ZFHX3: variants seen among roughly 807,000 people sequenced by gnomAD.
The protein encoded by ZFHX3 is zinc finger homeobox 3, also known as zinc finger homeobox protein 3.
Under a neutral mutation model 279.1 loss-of-function variants are expected in ZFHX3, and 42 were observed. The ratio of observed to expected loss-of-function variants is 0.15; its 90% CI spans 0.12 to 0.19. The LOEUF is 0.19. Ranked by LOEUF, ZFHX3 falls within the 10% of genes least tolerant of loss-of-function variation. The pLI is 1.00. For synonymous variants in ZFHX3, 2,293 were observed against 1,957.8 expected, an observed-to-expected ratio of 1.17 and a Z score of -4.52; for missense variants, 4,981 against 4,754.0, an observed-to-expected ratio of 1.05 and a Z score of -1.40.
At chr16:73,822,238 C>T (rs1002407054) in intron 1 of ZFHX3, among the ~76,000 whole-genome samples, 1 of 152,126 alleles carries the variant, frequency 6.6e-6, no homozygotes, top group African/African-American at 2.4e-5. Context: ...GGGATGAGAA[C>T]CCAGAATTGG....
chr16:73,644,569 G>A (rs1276191798), intron 2 of ZFHX3, among the ~76,000 whole-genome samples: 1 of 152,152 alleles, frequency 6.6e-6, no homozygotes, highest in Non-Finnish European at 1.5e-5. Flanking sequence ...GCTGAGGTAG[G>A]AAAATTGCTT....
chr16:72,794,269 T>C lies in ZFHX3; in HGVS notation c.8413A>G (p.Ile2805Val). The C allele has an allele frequency of 2.5e-6, 4 of 1,614,094 alleles. No individual in the cohort carries two copies. The highest frequency in any genetic ancestry group is 3.4e-6 in the Non-Finnish European group (4 of 1,179,992). The stretch of plus-strand genomic sequence containing the variant: ...AAGTCTTCAATCCCTTCCACCTTAA[T>C]GGAGGAAGGGCTTAGAAGAGTTCTG... Reference protein sequence around the residue: ...SPRTLLSPSSIKVEGIEDFES... With the variant: ...SPRTLLSPSSVKVEGIEDFES... The change falls in exon 9 of 10, where the codon ATT becomes GTT. Residue 2805 changes from isoleucine (I) to valine (V), a missense_variant. By Grantham distance (29) the Ile-to-Val change is conservative. Coordinates refer to ENST00000268489, the MANE Select transcript of ZFHX3 (RefSeq NM_006885.4). This position sits in a 1 kb window ranked among gnomAD's most constrained non-coding sequence, Gnocchi z 4.2.
chr16:72,796,003 G>A lies in ZFHX3; in HGVS notation c.6679C>T (p.Arg2227Trp), dbSNP rs756354750. 9.3e-6 allele frequency: 15 copies of A among 1,613,994 alleles called. No homozygotes were observed. Among genetic ancestry groups the A allele is most frequent in the African/African-American group, 4.0e-5 (3 of 74,892 alleles). ...TSLEELKIDS[R>W]PPSPEPPKQE... ...TTTGGAGGTTCCGGCGAAGGGGGCC[G>A]GGAGTCAATCTTGAGCTCCTCCAGG... The change falls in exon 9 of 10, where the codon CGG becomes TGG. Residue 2227 changes from arginine to tryptophan, a missense_variant. By Grantham distance (101) the Arg-to-Trp change is moderately radical. Around this residue, in one of 7 missense-constraint regions of ZFHX3, gnomAD observed 177 missense variants for 244.2 expected, o/e 0.72. Coordinates refer to ENST00000268489, the MANE Select transcript of ZFHX3 (RefSeq NM_006885.4).
At chr16:73,204,618 G>C (rs2011731546) in intron 5 of ZFHX3, among the ~76,000 whole-genome samples, 1 of 152,180 alleles carries the variant, frequency 6.6e-6, no homozygotes, top group African/African-American at 2.4e-5. Flanking sequence ...GTGTGACCTG[G>C]TTCCTAACAG....
intron 3 of ZFHX3, among the ~76,000 whole-genome samples, chr16:73,354,939 A>G (rs1390206098): frequency 1.3e-5 from 2 of 152,222 alleles, no homozygotes; most frequent in African/African-American, 4.8e-5. Flanking sequence ...TTACTCCACA[A>G]AGAGGATTGA....
intron 8 of ZFHX3, among the ~76,000 whole-genome samples, chr16:73,081,891 C>T (rs1033059178): frequency 6.8e-6 from 1 of 146,652 alleles, no homozygotes; most frequent in Non-Finnish European, 1.5e-5. Context: ...AGCTGGAGTG[C>T]GGTGGCACGA....
intron 1 of ZFHX3, among the ~76,000 whole-genome samples, chr16:73,782,706 A>C (rs1476760268): frequency 6.6e-6 from 1 of 152,182 alleles, no homozygotes; most frequent in Non-Finnish European, 1.5e-5. Flanking sequence ...AAGTTGGCGC[A>C]TGACCCTCTG....
chr16:72,851,493 G>A (rs905522178), intron 4 of ZFHX3, among the ~76,000 whole-genome samples: 11 of 152,052 alleles, frequency 7.2e-5, no homozygotes, highest in African/African-American at 2.4e-4. Context: ...ATATAATGGT[G>A]TCTAAATTCC....
intron 2 of ZFHX3, among the ~76,000 whole-genome samples, chr16:73,675,069 G>T (rs778048594): frequency 6.6e-6 from 1 of 152,060 alleles, no homozygotes; most frequent in Non-Finnish European, 1.5e-5. Flanking sequence ...GGAAGCTTTG[G>T]GTCTGAGCTC....
intron 1 of ZFHX3, among the ~76,000 whole-genome samples, chr16:73,000,066 C>A (rs1355378235): frequency 1.3e-5 from 2 of 152,226 alleles, no homozygotes; most frequent in African/African-American, 4.8e-5. Flanking sequence ...CCCATGGGGA[C>A]AGGGCTGGCT....
intron 5 of ZFHX3, among the ~76,000 whole-genome samples, chr16:73,224,831 C>T (rs573788057): frequency 6.6e-6 from 1 of 152,154 alleles, no homozygotes; most frequent in African/African-American, 2.4e-5. Flanking sequence ...CACAGACTAC[C>T]TTCCACGATC....
intron 3 of ZFHX3, among the ~76,000 whole-genome samples, chr16:73,321,830 T>C (rs12931995): frequency 0.42 from 64,100 of 151,804 alleles, 14,897 homozygotes; most frequent in Non-Finnish European, 0.53. Flanking sequence ...GCATGGTAAA[T>C]TGTATGTAGA....
At chr16:73,592,976 C>T (rs553191457) in intron 2 of ZFHX3, among the ~76,000 whole-genome samples, 34 of 151,656 alleles carry the variant, frequency 2.2e-4, no homozygotes, top group South Asian at 8.3e-4. Context: ...AAAAATAAGA[C>T]GATATCATAA....
At chr16:73,042,519 C>A (rs1965155964) in intron 1 of ZFHX3, among the ~76,000 whole-genome samples, 1 of 152,124 alleles carries the variant, frequency 6.6e-6, no homozygotes, top group African/African-American at 2.4e-5. Flanking sequence ...AAGAAGCCTA[C>A]ACATGACCCC....
At chr16:73,162,554 A>G (rs1194473386) in intron 5 of ZFHX3, among the ~76,000 whole-genome samples, 1 of 152,222 alleles carries the variant, frequency 6.6e-6, no homozygotes, top group African/African-American at 2.4e-5. Flanking sequence ...CTGTAGAATT[A>G]TTTCATTATG....
chr16:72,867,387 G>T (rs528138671), intron 4 of ZFHX3, among the ~76,000 whole-genome samples: 1 of 152,320 alleles, frequency 6.6e-6, no homozygotes, highest in South Asian at 2.1e-4. Context: ...CTAATCCTGA[G>T]CAGGAAGATG....
intron 5 of ZFHX3, among the ~76,000 whole-genome samples, chr16:72,820,547 C>G (rs1357680064): frequency 6.6e-6 from 1 of 152,140 alleles, no homozygotes; most frequent in East Asian, 1.9e-4. Context: ...GATTTGGAGG[C>G]CTGCTAAATA....
At chr16:73,474,520 G>A (rs2018731449) in intron 2 of ZFHX3, among the ~76,000 whole-genome samples, 1 of 152,194 alleles carries the variant, frequency 6.6e-6, no homozygotes. Context: ...ACTCCAACAG[G>A]TGAACTAGCA....
intron 3 of ZFHX3, among the ~76,000 whole-genome samples, chr16:73,353,622 T>G (rs2016286447): frequency 6.6e-6 from 1 of 152,152 alleles, no homozygotes; most frequent in African/African-American, 2.4e-5. Flanking sequence ...AACCAGCTCA[T>G]GGCCACTTAG....
Sources: gnomAD v4.1 joint callset for allele counts (sites outside exome capture counted in the v4.1 genomes callset) on GRCh38, gnomAD v4.1.1 for gene constraint, gnomAD v4.1.1 regional missense constraint, Gnocchi (gnomAD v3.1) non-coding constraint, MANE v1.5 for transcripts, NCBI Gene and HGNC (gene_info 2026-07-23, HGNC 2026-07-21) for gene names.